Variants in BCAR3 observed in about 807,000 individuals in gnomAD.
BCAR3 encodes breast cancer anti-estrogen resistance protein 3.
BCAR3 carries 37 observed loss-of-function variants against 80.1 expected under a neutral mutation model. That is an observed-to-expected ratio of 0.46 (90% confidence interval 0.36 to 0.61). The LOEUF is 0.61. Among genes scored for constraint, BCAR3 ranks in the 20% least tolerant of loss-of-function variants. The pLI, the probability that BCAR3 is intolerant of heterozygous loss-of-function variation, is 0.00. For synonymous variants in BCAR3, 389 were observed against 418.9 expected, an observed-to-expected ratio of 0.93 and a Z score of 0.87; for missense variants, 978 against 1,068.2, an observed-to-expected ratio of 0.92 and a Z score of 1.18.
intron 2 of BCAR3, among the ~76,000 whole-genome samples, chr1:93,782,158 C>A (rs1652784328): frequency 6.6e-6 from 1 of 152,176 alleles, no homozygotes; most frequent in Non-Finnish European, 1.5e-5. Flanking sequence ...CTGGATGGAG[C>A]AGATCACACC....
intron 2 of BCAR3, among the ~76,000 whole-genome samples, chr1:93,663,401 G>A (rs1289353312): frequency 6.6e-6 from 1 of 152,186 alleles, no homozygotes; most frequent in Admixed American, 6.5e-5. Context: ...GGAAGTGGCA[G>A]CACAGAGAAG....
At chr1:93,758,326 AAG>A (rs1451609091) in intron 2 of BCAR3, among the ~76,000 whole-genome samples, 1 of 152,200 alleles carries the variant, frequency 6.6e-6, no homozygotes, top group African/African-American at 2.4e-5. Flanking sequence ...GAGGACAAAG[AAG>A]AGTTTCCAGG....
chr1:93,830,156 C>CT (rs536112156), intron 2 of BCAR3, among the ~76,000 whole-genome samples: 10 of 152,130 alleles, frequency 6.6e-5, no homozygotes, highest in East Asian at 1.9e-4. Flanking sequence ...AATTAAACCT[C>CT]TTTTTTTTAT....
intron 2 of BCAR3, among the ~76,000 whole-genome samples, chr1:93,760,706 C>T (rs1380593224): frequency 6.6e-6 from 1 of 152,184 alleles, no homozygotes; most frequent in Non-Finnish European, 1.5e-5. Flanking sequence ...CAGGCTCCTT[C>T]TGTGGGCAGG....
At chr1:93,663,482 T>G (rs560934457) in intron 2 of BCAR3, among the ~76,000 whole-genome samples, 6 of 152,180 alleles carry the variant, frequency 3.9e-5, no homozygotes, top group African/African-American at 1.4e-4. Context: ...AAAAGTAACA[T>G]GATACCTGGA....
intron 7 of BCAR3, among the ~76,000 whole-genome samples, chr1:93,578,518 G>A (rs1476784459): frequency 4.6e-5 from 7 of 152,100 alleles, no homozygotes; most frequent in African/African-American, 1.7e-4. Context: ...GTCTGTGCAT[G>A]TGCGTTGCCT....
intron 2 of BCAR3, among the ~76,000 whole-genome samples, chr1:93,802,567 C>T (rs1237040111): frequency 6.6e-6 from 1 of 152,118 alleles, no homozygotes; most frequent in African/African-American, 2.4e-5. Context: ...AAGGTTTTCC[C>T]CTTGGGTCAG....
At chr1:93,769,447 T>G (rs1219594479) in intron 2 of BCAR3, among the ~76,000 whole-genome samples, 1 of 145,002 alleles carries the variant, frequency 6.9e-6, no homozygotes, top group Non-Finnish European at 1.5e-5. Flanking sequence ...CAGAGAGAAA[T>G]GCAATGTGAT....
At chr1:93,845,754 A>G (rs996286087) in intron 1 of BCAR3, 6 of 151,984 alleles carry the variant, frequency 3.9e-5, no homozygotes, top group Non-Finnish European at 7.4e-5. Context: ...TCACTATAAC[A>G]TGGTGGGTTC....
intron 2 of BCAR3, among the ~76,000 whole-genome samples, chr1:93,764,724 C>T (rs12122571): frequency 0.12 from 17,755 of 152,144 alleles, 1,452 homozygotes; most frequent in African/African-American, 0.22. Flanking sequence ...CTCACCCGGG[C>T]TTCCACACCT....
intron 3 of BCAR3, among the ~76,000 whole-genome samples, chr1:93,687,080 A>G (rs1330158974): frequency 6.6e-6 from 1 of 152,180 alleles, no homozygotes; most frequent in Non-Finnish European, 1.5e-5. Flanking sequence ...TAAGATCTAT[A>G]TCTGGTTTTG....
chr1:93,799,746 C>T (rs779805183), intron 2 of BCAR3, among the ~76,000 whole-genome samples: 1 of 152,170 alleles, frequency 6.6e-6, no homozygotes, highest in Non-Finnish European at 1.5e-5. Context: ...TTAGCTCAGC[C>T]ATCTCAGCCC....
At chr1:93,738,829 C>T (rs776554796) in intron 2 of BCAR3, among the ~76,000 whole-genome samples, 1 of 152,120 alleles carries the variant, frequency 6.6e-6, no homozygotes. Context: ...TAAATTTGAA[C>T]TTTGTATTTA....
At chr1:93,572,730 G>A (rs1673269935) in intron 8 of BCAR3, among the ~76,000 whole-genome samples, 2 of 152,160 alleles carry the variant, frequency 1.3e-5, no homozygotes, top group African/African-American at 4.8e-5. Context: ...TGCTGGAGGC[G>A]AAGCCCCAGT....
intron 2 of BCAR3, among the ~76,000 whole-genome samples, chr1:93,815,434 G>C (rs1421509645): frequency 6.6e-6 from 1 of 152,214 alleles, no homozygotes; most frequent in Non-Finnish European, 1.5e-5. Context: ...GGCATTTGCA[G>C]TAGTGAACTT....
chr1:93,813,351 A>C (rs188446711), intron 2 of BCAR3, among the ~76,000 whole-genome samples: 8 of 152,308 alleles, frequency 5.3e-5, no homozygotes, highest in Admixed American at 3.3e-4. Context: ...TTTACTAAAA[A>C]GAGGCCTCAC....
chr1:93,602,184 C>T (rs1450699733), intron 3 of BCAR3: 1 of 151,994 alleles, frequency 6.6e-6, no homozygotes, highest in East Asian at 1.9e-4. Context: ...GCATTCATAG[C>T]TCAAGTGATC....
intron 3 of BCAR3, among the ~76,000 whole-genome samples, chr1:93,697,998 A>AAAAAC (rs1649481814): frequency 6.6e-6 from 1 of 152,130 alleles, no homozygotes; most frequent in African/African-American, 2.4e-5. Flanking sequence ...ACAAAAACAA[A>AAAAAC]AAAACAAAAC....
At position 93,674,708 on chromosome 1, in the gene BCAR3, G is replaced by A. The variant is rs141721897; in HGVS notation, c.223C>T (p.His75Tyr). The A allele has an allele frequency of 8.7e-6, 14 of 1,613,930 alleles. No individual in the cohort carries two copies. In the African/African-American group the frequency reaches 1.7e-4, roughly 20 times the overall value. The change falls in exon 2 of 12, where the codon CAC becomes TAC. Residue 75 changes from histidine (H) to tyrosine (Y), a missense_variant. Coordinates refer to ENST00000260502, the MANE Select transcript of BCAR3 (RefSeq NM_003567.4). ...DDFSHMGTLP[H>Y]SKSPRQNSPV... The stretch of plus-strand genomic sequence containing the variant: ...GAGTTCTGCCGTGGGGATTTGGAGT[G>A]GGGGAGGGTGCCCATGTGACTGAAG...
Sources: allele counts gnomAD v4.1 joint callset (sites outside exome capture counted in the v4.1 genomes callset), GRCh38; gene constraint gnomAD v4.1.1; transcripts MANE v1.5; gene names NCBI Gene and HGNC (gene_info 2026-07-23, HGNC 2026-07-21).